Variants in DLGAP4 observed in about 807,000 individuals in gnomAD.
DLGAP4 encodes the protein DLG associated protein 4.
Under a neutral mutation model 86.9 loss-of-function variants are expected in DLGAP4, and 18 were observed. The observed-to-expected ratio is 0.21, with a 90% CI of 0.14 to 0.31. The LOEUF (loss-of-function observed/expected upper bound fraction) is 0.31, where lower values mean the gene tolerates loss of function less well. Among genes scored for constraint, DLGAP4 ranks in the 10% least tolerant of loss-of-function variants. The pLI is 1.00. For missense variants in DLGAP4, 1,085 were observed against 1,362.6 expected, an observed-to-expected ratio of 0.80 and a Z score of 3.21; for synonymous variants, 548 against 574.3, an observed-to-expected ratio of 0.95 and a Z score of 0.65.
At chr20:36,509,306 C>G (rs1472406754) in intron 10 of DLGAP4, among the ~76,000 whole-genome samples, 1 of 152,126 alleles carries the variant, frequency 6.6e-6, no homozygotes, top group East Asian at 1.9e-4. Flanking sequence ...CGCAGTGGCT[C>G]ATGCTTATAA....
chr20:36,407,263 GC>G (rs968516855), intron 2 of DLGAP4, among the ~76,000 whole-genome samples: 5 of 152,100 alleles, frequency 3.3e-5, no homozygotes, highest in African/African-American at 7.2e-5. Flanking sequence ...ACCGCTTGAG[GC>G]TGGAGTTTAA....
chr20:36,515,573 G>A (rs2036989324), intron 10 of DLGAP4, among the ~76,000 whole-genome samples: 1 of 152,128 alleles, frequency 6.6e-6, no homozygotes, highest in Non-Finnish European at 1.5e-5. Flanking sequence ...GGGGATTTGT[G>A]CTTTTTAAAT....
Position 36,439,793 on chromosome 20 carries a change from C to T in DLGAP4, c.1281C>T (p.Pro427=), listed in dbSNP as rs900692350. Reference sequence around the variant, plus strand: ...TGGATTCAGTGGACATGCTGCTGCCCTCCAAGTGTCCGAGCTGGGAAGAGG... The same window carrying T: ...TGGATTCAGTGGACATGCTGCTGCCTTCCAAGTGTCCGAGCTGGGAAGAGG... ...DRLDSVDMLL[P]SKCPSWEEDY... Residue 427 remains proline, a synonymous_variant, in exon 5 of 13, where the codon CCC becomes CCT. Transcript: ENST00000339266. 6 of 1,613,884 alleles carry T rather than the reference C, an allele frequency of 3.7e-6. No homozygotes were observed. The highest frequency in any genetic ancestry group is 1.7e-5 in the Admixed American group (1 of 60,028).
intron 1 of DLGAP4, among the ~76,000 whole-genome samples, chr20:36,333,833 G>T (rs533788683): frequency 6.6e-6 from 1 of 152,190 alleles, no homozygotes; most frequent in East Asian, 1.9e-4. Flanking sequence ...TCCCAAATGG[G>T]TGAAAACATA....
At chr20:36,415,769 C>T (rs995072929) in intron 2 of DLGAP4, among the ~76,000 whole-genome samples, 2 of 152,186 alleles carry the variant, frequency 1.3e-5, no homozygotes, top group Non-Finnish European at 2.9e-5. Flanking sequence ...CAGGGGCAGG[C>T]TCCTACTCAA....
rs556368693 is a variant in DLGAP4, at chr20:36,478,982, AT to A, written c.1649-17721del. 5.3e-5 allele frequency among the ~76,000 whole-genome samples: 8 copies of A among 152,334 alleles called. No homozygotes were observed. The East Asian group carries it at 1.3e-3, about 26-fold the overall frequency. Reference sequence around the variant, plus strand: ...TGAAAAACATCTGGCAACTGTGATTATTAGCCACTAATGTTCAGCCACTCCT... The same window carrying A: ...TGAAAAACATCTGGCAACTGTGATTATAGCCACTAATGTTCAGCCACTCCT... On this transcript the variant is annotated intron_variant, in intron 7 of 12. Transcript: ENST00000339266.
chr20:36,506,629 A>G (rs1250328880), intron 10 of DLGAP4, among the ~76,000 whole-genome samples: 1 of 152,210 alleles, frequency 6.6e-6, no homozygotes, highest in Non-Finnish European at 1.5e-5. Context: ...TAAACTTGAC[A>G]ATGTTCTTTT....
intron 7 of DLGAP4, among the ~76,000 whole-genome samples, chr20:36,470,082 T>C (rs7262622): frequency 0.036 from 5,524 of 152,074 alleles, 126 homozygotes; most frequent in Middle Eastern, 0.092. Flanking sequence ...TTCCCATGAG[T>C]AGGAACTAAA....
At chr20:36,340,868 T>G (rs782453808) in intron 1 of DLGAP4, among the ~76,000 whole-genome samples, 5 of 151,612 alleles carry the variant, frequency 3.3e-5, no homozygotes, top group African/African-American at 4.9e-5. Flanking sequence ...ACCAGAGGAG[T>G]GAGTCAGGCA....
At chr20:36,338,682 G>T (rs1484826273) in intron 1 of DLGAP4, among the ~76,000 whole-genome samples, 2 of 152,234 alleles carry the variant, frequency 1.3e-5, no homozygotes, top group Non-Finnish European at 2.9e-5. Context: ...GGGAGCCGTC[G>T]GTCCAGTAGG....
intron 1 of DLGAP4, among the ~76,000 whole-genome samples, chr20:36,346,649 A>G (rs2029950559): frequency 1.3e-5 from 2 of 152,174 alleles, no homozygotes; most frequent in Non-Finnish European, 2.9e-5. Flanking sequence ...GGAATGCTAC[A>G]TCTTATACAA....
chr20:36,310,935 G>A (rs1471081546), intron 1 of DLGAP4, among the ~76,000 whole-genome samples: 1 of 152,152 alleles, frequency 6.6e-6, no homozygotes, highest in African/African-American at 2.4e-5. Context: ...AATATGGGGG[G>A]ATGCTTTGTG....
At chr20:36,523,143 G>C (rs966977634) in intron 10 of DLGAP4, among the ~76,000 whole-genome samples, 2 of 152,188 alleles carry the variant, frequency 1.3e-5, no homozygotes, top group Non-Finnish European at 2.9e-5. Context: ...GGAGTGCAGT[G>C]GCATGGTCTA....
intron 7 of DLGAP4, among the ~76,000 whole-genome samples, chr20:36,481,131 A>G (rs2035168601): frequency 1.3e-5 from 2 of 152,204 alleles, no homozygotes; most frequent in African/African-American, 4.8e-5. Context: ...AGTCACACCC[A>G]TGGGGACTTC....
At chr20:36,332,069 G>A (rs1348419506) in intron 1 of DLGAP4, among the ~76,000 whole-genome samples, 1 of 152,182 alleles carries the variant, frequency 6.6e-6, no homozygotes, top group Non-Finnish European at 1.5e-5. Flanking sequence ...TCAAGCCAGA[G>A]ACCTTGGAAA....
At chr20:36,395,504 T>A (rs79291280) in intron 2 of DLGAP4, among the ~76,000 whole-genome samples, 33 of 151,738 alleles carry the variant, frequency 2.2e-4, no homozygotes, top group Middle Eastern at 6.8e-3. Flanking sequence ...GCCTTTTTTT[T>A]ATTATTATTA....
chr20:36,406,038 G>A (rs2032308852), intron 2 of DLGAP4, among the ~76,000 whole-genome samples: 2 of 152,166 alleles, frequency 1.3e-5, no homozygotes, highest in South Asian at 4.1e-4. Context: ...CATAAGGAGA[G>A]CATTCAGCCC....
chr20:36,316,452 G>A (rs1359623236), intron 1 of DLGAP4, among the ~76,000 whole-genome samples: 1 of 152,050 alleles, frequency 6.6e-6, no homozygotes, highest in Non-Finnish European at 1.5e-5. Flanking sequence ...CACAGTCTTT[G>A]CTTGGTAACT....
At chr20:36,519,365 AT>A (rs1344738337) in intron 10 of DLGAP4, among the ~76,000 whole-genome samples, 2 of 152,168 alleles carry the variant, frequency 1.3e-5, no homozygotes, top group Non-Finnish European at 2.9e-5. Flanking sequence ...GAATGTGGTC[AT>A]TTTTAGCAAA....
Sources: gnomAD v4.1 joint callset for allele counts (sites outside exome capture counted in the v4.1 genomes callset) on GRCh38, gnomAD v4.1.1 for gene constraint, MANE v1.5 for transcripts, NCBI Gene and HGNC (gene_info 2026-07-23, HGNC 2026-07-21) for gene names.